Variants in HS6ST1 observed in about 807,000 individuals in gnomAD.
HS6ST1 encodes the protein heparan sulfate 6-O-sulfotransferase 1, also known as heparan-sulfate 6-O-sulfotransferase 1.
A neutral mutation model predicts 25.2 loss-of-function variants in HS6ST1; 3 were observed. The ratio of observed to expected loss-of-function variants is 0.12; its 90% CI spans 0.05 to 0.31. The LOEUF is 0.31. Ranked by LOEUF, HS6ST1 falls within the 10% of genes least tolerant of loss-of-function variation. The pLI is 1.00. For missense variants in HS6ST1, 310 were observed against 609.6 expected, an observed-to-expected ratio of 0.51 and a Z score of 5.18; for synonymous variants, 204 against 275.1, an observed-to-expected ratio of 0.74 and a Z score of 2.56.
rs577702081 is a variant in HS6ST1 at position 128,277,378 on chromosome 2, C to T, written c.528-8508G>A. ...GCCATGTACTGGGACAGACTCAGGG[C>T]TCCCAGCGTTCACCCCTGAATGGGG... On this transcript the variant is annotated intron_variant, in intron 1 of 1. Transcript: ENST00000259241. 3.9e-5 allele frequency among the ~76,000 whole-genome samples: 6 copies of T among 152,350 alleles called. No homozygotes were observed. The East Asian group carries it at 9.6e-4, about 24-fold the overall frequency.
At chr2:128,272,891 C>T (rs749997628) in intron 1 of HS6ST1, among the ~76,000 whole-genome samples, 7 of 152,182 alleles carry the variant, frequency 4.6e-5, no homozygotes, top group Non-Finnish European at 1.0e-4. Context: ...GCCTGGCTCT[C>T]TCCTCTGCCA....
At position 128,266,507 on chromosome 2, in the gene HS6ST1, C is replaced by T. The variant is rs1372968021; in HGVS notation, c.*1655G>A. On this transcript the variant is annotated 3_prime_UTR_variant, in exon 2 of 2. Transcript: ENST00000259241. Reference sequence around the variant, plus strand: ...AGACCTGAGGGTGGGGCCCTTATGCCAGACCTCCAGGGGTAGCGACCTCAC... The same window carrying T: ...AGACCTGAGGGTGGGGCCCTTATGCTAGACCTCCAGGGGTAGCGACCTCAC... The T allele has an allele frequency of 2.6e-5, 4 of 152,412 alleles. No individual in the cohort carries two copies. The highest frequency in any genetic ancestry group is 2.1e-4 in the South Asian group (1 of 4,828). The allele number at this position is 152,412 out of a possible 1,614,324, so 9.4% of individuals were successfully genotyped here. A position where few individuals can be genotyped will look rare whatever the true frequency, so the allele number is the denominator to read the frequency against.
At chr2:128,310,030 G>A (rs966609102) in intron 1 of HS6ST1, among the ~76,000 whole-genome samples, 6 of 152,184 alleles carry the variant, frequency 3.9e-5, no homozygotes, top group African/African-American at 9.7e-5. Context: ...GGAAGACTGA[G>A]GCTCAGACAG....
intron 1 of HS6ST1, among the ~76,000 whole-genome samples, chr2:128,301,220 G>T (rs571957797): frequency 6.6e-6 from 1 of 151,898 alleles, no homozygotes; most frequent in East Asian, 1.9e-4. Context: ...AGGGGTTCCC[G>T]GGGGCTGCGT....
intron 1 of HS6ST1, among the ~76,000 whole-genome samples, chr2:128,307,128 C>A (rs775754731): frequency 1.3e-5 from 2 of 152,092 alleles, no homozygotes; most frequent in Admixed American, 1.3e-4. Context: ...AAAGGGACTC[C>A]AACACATGCG....
Position 128,284,504 on chromosome 2 carries a change from C to CT in HS6ST1, c.528-15635dup, listed in dbSNP as rs71396519. Among the ~76,000 whole-genome samples the CT allele has an allele frequency of 1.8e-3, 172 of 94,872 alleles. 3 individuals are homozygous for CT. Among genetic ancestry groups the CT allele is most frequent in the Middle Eastern group, 5.0e-3 (1 of 200 alleles). The allele number at this position is 94,872 out of a possible 152,430, so 62.2% of individuals were successfully genotyped here. On this transcript the variant is annotated intron_variant, in intron 1 of 1. Transcript: ENST00000259241. ...ATACTGTGGAGGTGACATCGTCCCTCTTTTTTTTTTTTTTTGAGACGGAGT... is the reference window on the plus strand; with the variant it reads ...ATACTGTGGAGGTGACATCGTCCCTCTTTTTTTTTTTTTTTTGAGACGGAGT...
chr2:128,314,274 C>T (rs936926898), intron 1 of HS6ST1, among the ~76,000 whole-genome samples: 1 of 152,158 alleles, frequency 6.6e-6, no homozygotes, highest in African/African-American at 2.4e-5. Context: ...CCCAGGTTCT[C>T]AGGGAACACC....
intron 1 of HS6ST1, among the ~76,000 whole-genome samples, chr2:128,297,542 T>C (rs1439434095): frequency 6.6e-6 from 1 of 152,072 alleles, no homozygotes; most frequent in Non-Finnish European, 1.5e-5. Context: ...ATTAAAAACA[T>C]TTAGGCTGGG....
intron 1 of HS6ST1, among the ~76,000 whole-genome samples, chr2:128,304,733 C>A (rs765218194): frequency 8.5e-5 from 13 of 152,244 alleles, no homozygotes; most frequent in South Asian, 2.1e-4. Context: ...GACACTGTGT[C>A]CCATCAGAGT....
rs1573684887 is a variant in HS6ST1 at position 128,266,438 on chromosome 2, C to A, written c.*1724G>T. 1 of 152,256 alleles carries A rather than the reference C, an allele frequency of 6.6e-6. No individual in the cohort carries two copies. The highest frequency in any genetic ancestry group is 1.5e-5 in the Non-Finnish European group (1 of 68,056). The allele number at this position is 152,256 out of a possible 1,614,324, so 9.4% of individuals were successfully genotyped here. On this transcript the variant is annotated 3_prime_UTR_variant, in exon 2 of 2. Coordinates refer to ENST00000259241, the MANE Select transcript of HS6ST1 (RefSeq NM_004807.3). ...CACGCTGTCCACCCTGCCCTGTTGA[C>A]CATCCTGTCCTTGGACCCCAAAGTA...
At chr2:128,317,877 C>T (rs1694397937) in intron 1 of HS6ST1, among the ~76,000 whole-genome samples, 160 bp downstream of exon 1, 1 of 152,202 alleles carries the variant, frequency 6.6e-6, no homozygotes, top group Admixed American at 6.5e-5. Context: ...AGCTGGGAGC[C>T]TCGGGCGCTC....
In HS6ST1 at chr2:128,316,382, G is replaced by A. The variant is rs538225177; in HGVS notation, c.527+1655C>T. On this transcript the variant is annotated intron_variant, in intron 1 of 1. Transcript: ENST00000259241. ...GGCAAAGGGGGTGACCCCCATCCTT[G>A]CACCCCCCACAGGTAGGGAGGCGTC... Among the ~76,000 whole-genome samples, 11 of 152,350 alleles carry A rather than the reference G, an allele frequency of 7.2e-5. No individual in the cohort carries two copies. In the South Asian group the frequency reaches 2.3e-3, roughly 32 times the overall value.
chr2:128,306,839 T>TG (rs943137878), intron 1 of HS6ST1, among the ~76,000 whole-genome samples: 1 of 152,104 alleles, frequency 6.6e-6, no homozygotes, highest in Non-Finnish European at 1.5e-5. Flanking sequence ...CAGCAGACGG[T>TG]GCCCAAGGGG....
In HS6ST1 at chr2:128,307,274, A is replaced by G. The variant is rs942018020; in HGVS notation, c.527+10763T>C. On this transcript the variant is annotated intron_variant, in intron 1 of 1. Coordinates refer to ENST00000259241, the MANE Select transcript of HS6ST1 (RefSeq NM_004807.3). ...GAAGGCCCTGGGGGGTGCACGCTGCAGGGAGGATGCTGGTCAGCTGCCATC... is the reference window on the plus strand; with the variant it reads ...GAAGGCCCTGGGGGGTGCACGCTGCGGGGAGGATGCTGGTCAGCTGCCATC... Among the ~76,000 whole-genome samples, 7 of 152,240 alleles carry G rather than the reference A, an allele frequency of 4.6e-5. No homozygotes were observed. The South Asian group carries it at 6.2e-4, about 14-fold the overall frequency.
At chr2:128,312,440 C>A (rs1452472683) in intron 1 of HS6ST1, among the ~76,000 whole-genome samples, 1 of 152,214 alleles carries the variant, frequency 6.6e-6, no homozygotes, top group Non-Finnish European at 1.5e-5. Flanking sequence ...ACAAGAGTCA[C>A]CCTGCCAGCC....
chr2:128,293,755 C>T (rs1251779935), intron 1 of HS6ST1, among the ~76,000 whole-genome samples: 2 of 152,184 alleles, frequency 1.3e-5, no homozygotes, highest in African/African-American at 4.8e-5. Context: ...ATACCAAGCA[C>T]CTGTTTTGGG....
rs1305563479 is a variant in HS6ST1, at chr2:128,317,983, C to T, written c.527+54G>A. 6 of 1,392,704 alleles carry T rather than the reference C, an allele frequency of 4.3e-6. No homozygotes were observed. In the South Asian group the frequency reaches 4.9e-5, roughly 11 times the overall value. The allele number at this position is 1,392,704 out of a possible 1,614,324, so 86.3% of individuals were successfully genotyped here. On this transcript the variant is annotated intron_variant, in intron 1 of 1. Transcript: ENST00000259241. ...GACCCAGTACAGCACGGCGGGCATA[C>T]GGCCCGGCCTCGGGGGCGCAGCTGC...
At chr2:128,293,013 G>A (rs981167389) in intron 1 of HS6ST1, among the ~76,000 whole-genome samples, 2 of 152,142 alleles carry the variant, frequency 1.3e-5, no homozygotes, top group Non-Finnish European at 2.9e-5. Flanking sequence ...GGTCCTTGCC[G>A]TGGCTGCAGC....
chr2:128,292,720 C>T (rs1033226164), intron 1 of HS6ST1, among the ~76,000 whole-genome samples: 3 of 133,764 alleles, frequency 2.2e-5, no homozygotes, highest in African/African-American at 8.6e-5. Context: ...CAGGCCAGGG[C>T]AAATGGCACG....
Sources: allele counts gnomAD v4.1 joint callset (sites outside exome capture counted in the v4.1 genomes callset), GRCh38; gene constraint gnomAD v4.1.1; transcripts MANE v1.5; gene names NCBI Gene and HGNC (gene_info 2026-07-23, HGNC 2026-07-21).